Variants in MCTP2 observed in about 807,000 individuals in gnomAD.
The protein encoded by MCTP2 is multiple C2 and transmembrane domain-containing protein 2.
Under a neutral mutation model 111.6 loss-of-function variants are expected in MCTP2, and 132 were observed. That is an observed-to-expected ratio of 1.18 (90% CI 1.03 to 1.37). MCTP2 has a LOEUF of 1.37. MCTP2 is among the 40% of genes most tolerant of loss of function. The probability of loss-of-function intolerance (pLI) is 0.00; values close to 1 mark genes in which losing one functional copy is unlikely to be tolerated. For synonymous variants in MCTP2, 395 were observed against 387.7 expected, an observed-to-expected ratio of 1.02 and a Z score of -0.22; for missense variants, 1,183 against 1,067.9, an observed-to-expected ratio of 1.11 and a Z score of -1.50.
intron 2 of MCTP2, among the ~76,000 whole-genome samples, chr15:94,309,173 T>C (rs2076019682): frequency 6.6e-6 from 1 of 152,232 alleles, no homozygotes; most frequent in South Asian, 2.1e-4. Context: ...GTAGCTCACT[T>C]TTCATTCTAT....
At chr15:94,371,878 A>T (rs1224285637) in intron 12 of MCTP2, among the ~76,000 whole-genome samples, 1 of 152,144 alleles carries the variant, frequency 6.6e-6, no homozygotes, top group Non-Finnish European at 1.5e-5. Flanking sequence ...TGAAAAACTT[A>T]ATTTATTTAG....
At chr15:94,402,294 T>C in intron 17 of MCTP2, 2 of 985,316 alleles carry the variant, frequency 2.0e-6, no homozygotes, top group Non-Finnish European at 2.4e-6. Flanking sequence ...GTGTGTATTT[T>C]TTTTCTTTCT....
chr15:94,315,367 T>C (rs2076331515), intron 3 of MCTP2, among the ~76,000 whole-genome samples, 162 bp from the exon 4 acceptor site: 2 of 152,224 alleles, frequency 1.3e-5, no homozygotes, highest in Admixed American at 1.3e-4. Flanking sequence ...GACTTTTTAA[T>C]AAAGCAGGGT....
At chr15:94,429,066 G>A (rs928456113) in intron 17 of MCTP2, among the ~76,000 whole-genome samples, 6 of 151,708 alleles carry the variant, frequency 4.0e-5, no homozygotes, top group South Asian at 2.1e-4. Context: ...CCTCACTCTC[G>A]TAGAATGACC....
chr15:94,440,766 G>A (rs914811831), intron 18 of MCTP2, among the ~76,000 whole-genome samples: 3 of 152,156 alleles, frequency 2.0e-5, no homozygotes, highest in Non-Finnish European at 2.9e-5. Context: ...TCAACTCCCA[G>A]GGCAATCAGA....
At chr15:94,317,878 GT>G (rs1034174583) in intron 4 of MCTP2, among the ~76,000 whole-genome samples, 37 of 151,906 alleles carry the variant, frequency 2.4e-4, no homozygotes, top group African/African-American at 7.5e-4. Flanking sequence ...TTGGTAAATA[GT>G]TTTTTTTAAT....
chr15:94,401,240 C>T (rs62016135), intron 16 of MCTP2, among the ~76,000 whole-genome samples: 12 of 152,214 alleles, frequency 7.9e-5, no homozygotes, highest in East Asian at 3.9e-4. Flanking sequence ...AAACTGGAAA[C>T]GTTTCCTTAG....
chr15:94,322,433 A>G (rs1308070664), intron 4 of MCTP2, among the ~76,000 whole-genome samples: 1 of 152,184 alleles, frequency 6.6e-6, no homozygotes, highest in East Asian at 1.9e-4. Flanking sequence ...GGATTAGTAG[A>G]CTTTTTATGG....
At position 94,482,555 on chromosome 15, in the gene MCTP2, G is replaced by T. The variant is rs533734161; in HGVS notation, c.*3521G>T. The T allele has an allele frequency of 6.6e-6, 1 of 152,194 alleles. No homozygotes were observed. The highest frequency in any genetic ancestry group is 2.4e-5 in the African/African-American group (1 of 41,434). The allele number at this position is 152,194 out of a possible 1,614,324, so 9.4% of individuals were successfully genotyped here. On this transcript the variant is annotated 3_prime_UTR_variant, in exon 23 of 23. Transcript: ENST00000357742. ...AGGACCACAGGAGTCCAGTTTTAGCGCTGAATCTCAGGTGACTGAAAAGCA... is the reference window on the plus strand; with the variant it reads ...AGGACCACAGGAGTCCAGTTTTAGCTCTGAATCTCAGGTGACTGAAAAGCA...
At chr15:94,443,245 A>G (rs736251) in intron 19 of MCTP2, among the ~76,000 whole-genome samples, 6,440 of 152,242 alleles carry the variant, frequency 0.042, 449 homozygotes, top group African/African-American at 0.14. Context: ...CTTCCCCTTT[A>G]TAGATAAAAG....
At chr15:94,335,298 G>A (rs2077309831) in intron 4 of MCTP2, among the ~76,000 whole-genome samples, 1 of 152,070 alleles carries the variant, frequency 6.6e-6, no homozygotes, top group Admixed American at 6.6e-5. Context: ...AAAAAGAAAA[G>A]AATATAAAAT....
At chr15:94,403,962 C>T (rs940973415) in intron 17 of MCTP2, among the ~76,000 whole-genome samples, 22 of 152,134 alleles carry the variant, frequency 1.4e-4, no homozygotes, top group Admixed American at 1.0e-3. Context: ...CAGTTAGATA[C>T]GCTATATACC....
At chr15:94,239,254 G>A (rs1443318200) in intron 1 of MCTP2, among the ~76,000 whole-genome samples, 2 of 152,094 alleles carry the variant, frequency 1.3e-5, no homozygotes. Context: ...CTTGCTTAAC[G>A]TAAAAGATAT....
At chr15:94,356,983 C>G (rs74030815) in intron 9 of MCTP2, among the ~76,000 whole-genome samples, 1,563 of 152,068 alleles carry the variant, frequency 0.01, 34 homozygotes, top group African/African-American at 0.036. Flanking sequence ...AGGAATATTT[C>G]CTATGTTTTA....
At position 94,399,989 on chromosome 15, in the gene MCTP2, CAAAAA is replaced by C; in HGVS notation, c.1960_1964del (p.Lys654AspfsTer24). The stretch of plus-strand genomic sequence containing the variant: ...TTGTTGAAGACAGCCGCAAGCTGTC[CAAAAA>C]GGTGGGTCGCTACAGTAGGTGGCTT... On this transcript the variant is annotated frameshift_variant and splice_region_variant, in exon 16 of 23. Coordinates refer to ENST00000357742, the MANE Select transcript of MCTP2 (RefSeq NM_001385001.1). LOFTEE classifies it high-confidence loss of function. 1 of 1,613,788 alleles carries C rather than the reference CAAAAA, an allele frequency of 6.2e-7. No homozygotes were observed. Among genetic ancestry groups the C allele is most frequent in the Non-Finnish European group, 8.5e-7 (1 of 1,179,804 alleles).
At chr15:94,304,486 A>G (rs1271235873) in intron 2 of MCTP2, among the ~76,000 whole-genome samples, 1 of 152,232 alleles carries the variant, frequency 6.6e-6, no homozygotes, top group African/African-American at 2.4e-5. Context: ...CTTTTGATGT[A>G]AACAGCTCAT....
intron 2 of MCTP2, among the ~76,000 whole-genome samples, chr15:94,302,927 G>A (rs2075692322): frequency 6.6e-6 from 1 of 151,654 alleles, no homozygotes; most frequent in Non-Finnish European, 1.5e-5. Flanking sequence ...CACATGGCTG[G>A]GGAGGCCTCA....
chr15:94,387,420 A>C (rs1167784003), intron 14 of MCTP2, among the ~76,000 whole-genome samples: 1 of 152,108 alleles, frequency 6.6e-6, no homozygotes, highest in African/African-American at 2.4e-5. Flanking sequence ...GATCACTTCC[A>C]GTCAAGAACC....
At chr15:94,232,491 A>C (rs1277036233) in intron 1 of MCTP2, among the ~76,000 whole-genome samples, 2 of 152,190 alleles carry the variant, frequency 1.3e-5, no homozygotes, top group Non-Finnish European at 2.9e-5. Context: ...TTCAGACACC[A>C]CTTATTGAAG....
Sources: allele counts gnomAD v4.1 joint callset (sites outside exome capture counted in the v4.1 genomes callset), GRCh38; gene constraint gnomAD v4.1.1; transcripts MANE v1.5; gene names NCBI Gene and HGNC (gene_info 2026-07-23, HGNC 2026-07-21).